Variants in INPP4A observed in about 807,000 individuals in gnomAD.
INPP4A encodes the protein inositol polyphosphate-4-phosphatase, type I, 107kD.
Under a neutral mutation model 119.8 loss-of-function variants are expected in INPP4A, and 33 were observed. That is an observed-to-expected ratio of 0.28 (90% confidence interval 0.21 to 0.37). The LOEUF (loss-of-function observed/expected upper bound fraction) is 0.37, where lower values mean the gene tolerates loss of function less well. Among genes scored for constraint, INPP4A ranks in the 10% least tolerant of loss-of-function variants. The pLI is 1.00. For missense variants in INPP4A, 956 were observed against 1,289.9 expected (o/e 0.74, Z 3.97); for synonymous variants, 496 against 500.7 (o/e 0.99, Z 0.12).
At chr2:98,584,614 C>T (rs1485231646) in intron 24 of INPP4A, among the ~76,000 whole-genome samples, 1 of 152,252 alleles carries the variant, frequency 6.6e-6, no homozygotes, top group African/African-American at 2.4e-5. Context: ...GGGCTTGGCC[C>T]GTGGGCTGAG....
rs376358529 is a variant in INPP4A at position 98,488,915 on chromosome 2, C to T, written c.-165-30049C>T. On this transcript the variant is annotated intron_variant, in intron 1 of 24. Transcript: ENST00000409851. ...CAATGCAACCTAAGGACTTTGGATT[C>T]TTGCTTTTGAGTACATGCACTGTGT... Among the ~76,000 whole-genome samples the T allele has an allele frequency of 4.1e-5, 6 of 147,664 alleles. 1 individual carries two copies. Among genetic ancestry groups the T allele is most frequent in the South Asian group, 2.1e-4 (1 of 4,678 alleles).
intron 1 of INPP4A, among the ~76,000 whole-genome samples, chr2:98,488,614 GT>G (rs1340983221): frequency 6.6e-6 from 1 of 152,192 alleles, no homozygotes; most frequent in Admixed American, 6.5e-5. Context: ...GAATAAATGA[GT>G]TCTGCTAGTT....
At chr2:98,534,557 A>T (rs979038671) in intron 5 of INPP4A, among the ~76,000 whole-genome samples, 3 of 152,238 alleles carry the variant, frequency 2.0e-5, no homozygotes, top group African/African-American at 7.2e-5. Context: ...CATGAAGAGC[A>T]CGCCAAAGTT....
intron 1 of INPP4A, among the ~76,000 whole-genome samples, chr2:98,467,204 G>A (rs550527628): frequency 6.6e-5 from 10 of 152,228 alleles, no homozygotes; most frequent in South Asian, 6.2e-4. Context: ...GAGAACTCAC[G>A]CACCCTCAAA....
chr2:98,503,109 T>C (rs924237243), intron 1 of INPP4A, among the ~76,000 whole-genome samples: 1 of 152,146 alleles, frequency 6.6e-6, no homozygotes, highest in African/African-American at 2.4e-5. Flanking sequence ...GACCCAGCTT[T>C]GCCAGGTCTG....
chr2:98,557,696 A>T (rs989339792), intron 16 of INPP4A, among the ~76,000 whole-genome samples: 2 of 152,232 alleles, frequency 1.3e-5, no homozygotes, highest in Non-Finnish European at 2.9e-5. Context: ...CCTGCCTCAG[A>T]GCTGCCCTGC....
Position 98,534,846 on chromosome 2 carries a change from G to A in INPP4A, c.271-883G>A, listed in dbSNP as rs113025326. On this transcript the variant is annotated intron_variant, in intron 5 of 24. Coordinates refer to ENST00000409851, the MANE Select transcript of INPP4A (RefSeq NM_001134225.2). ...AGCGTATGACAGAGACTTTGAAGGT[G>A]GACCTTGCAAGGGGAGTTCATGATC... Among the ~76,000 whole-genome samples the A allele has an allele frequency of 7.1e-3, 1,085 of 152,306 alleles. 20 individuals carry two copies. The highest frequency in any genetic ancestry group is 0.024 in the African/African-American group (1,018 of 41,562).
chr2:98,531,340 C>T (rs6749575), intron 4 of INPP4A, among the ~76,000 whole-genome samples: 1 of 151,252 alleles, frequency 6.6e-6, no homozygotes, highest in Non-Finnish European at 1.5e-5. Context: ...TTTCAAGAAG[C>T]AAATTTACAA....
chr2:98,559,804 CT>C (rs1338555841), intron 17 of INPP4A, among the ~76,000 whole-genome samples: 1 of 152,192 alleles, frequency 6.6e-6, no homozygotes, highest in African/African-American at 2.4e-5. Flanking sequence ...CACATCTGGA[CT>C]TCCTGGGTGC....
At chr2:98,517,493 C>T (rs957103963) in intron 1 of INPP4A, among the ~76,000 whole-genome samples, 3 of 152,292 alleles carry the variant, frequency 2.0e-5, no homozygotes, top group African/African-American at 7.2e-5. Flanking sequence ...AGTTACTCCA[C>T]GTCCTCATCA....
At chr2:98,458,683 ACT>A (rs1299711900) in intron 1 of INPP4A, among the ~76,000 whole-genome samples, 4 of 151,724 alleles carry the variant, frequency 2.6e-5, no homozygotes, top group South Asian at 4.2e-4. Context: ...CCTGGGTGAG[ACT>A]CTGGCCCAAT....
intron 4 of INPP4A, among the ~76,000 whole-genome samples, 192 bp from the exon 5 acceptor site, chr2:98,533,185 G>T (rs901427639): frequency 2.0e-5 from 3 of 152,242 alleles, no homozygotes; most frequent in Non-Finnish European, 4.4e-5. Context: ...CTTGGAGGGT[G>T]GCGGGGAGGG....
intron 1 of INPP4A, among the ~76,000 whole-genome samples, chr2:98,497,229 C>T (rs1682175567): frequency 1.3e-5 from 2 of 152,238 alleles, no homozygotes; most frequent in Admixed American, 1.3e-4. Context: ...GGTTTGGGAA[C>T]CACTGCCTAG....
intron 1 of INPP4A, among the ~76,000 whole-genome samples, chr2:98,504,878 C>A (rs1466347982): frequency 6.6e-6 from 1 of 152,196 alleles, no homozygotes; most frequent in East Asian, 1.9e-4. Context: ...TGTTAATCTT[C>A]AGTGCCTCTT....
At chr2:98,563,426 C>A (rs773100679) in intron 17 of INPP4A, 39 bp from the exon 18 acceptor site, 4 of 1,574,214 alleles carry the variant, frequency 2.5e-6, no homozygotes, top group South Asian at 2.3e-5. Context: ...TTCTTAAAAT[C>A]TCTCTCTCAT....
chr2:98,593,388 CCTA>C lies in INPP4A; in HGVS notation c.*5782_*5784del, dbSNP rs1369723251. ...TGTGGCCTGACTCTCTCCTGGTGGTCCTACGTCTCTGACCATCCCTCCTCACTC... is the reference window on the plus strand; with the variant it reads ...TGTGGCCTGACTCTCTCCTGGTGGTCCGTCTCTGACCATCCCTCCTCACTC... On this transcript the variant is annotated 3_prime_UTR_variant, in exon 25 of 25. Transcript: ENST00000409851. 6.6e-6 allele frequency: 1 copy of C among 152,578 alleles called. No individual in the cohort carries two copies. The highest frequency in any genetic ancestry group is 2.4e-5 in the African/African-American group (1 of 41,460). 9.5% of individuals were successfully genotyped at this position (152,578 alleles called of 1,614,324 possible). A position where few individuals can be genotyped will look rare whatever the true frequency, so the allele number is the denominator to read the frequency against.
At chr2:98,516,153 C>T (rs909030460) in intron 1 of INPP4A, among the ~76,000 whole-genome samples, 1 of 152,138 alleles carries the variant, frequency 6.6e-6, no homozygotes, top group Non-Finnish European at 1.5e-5. Context: ...TGGGAATATA[C>T]GAATCCTTGG....
intron 1 of INPP4A, among the ~76,000 whole-genome samples, chr2:98,448,710 T>C (rs1052324355): frequency 2.7e-5 from 2 of 73,756 alleles, no homozygotes; most frequent in African/African-American, 9.5e-5. Flanking sequence ...TCTCTCTCTC[T>C]TTTTTTTTTT....
At chr2:98,573,530 G>A (rs963390357) in intron 23 of INPP4A, among the ~76,000 whole-genome samples, 1 of 152,074 alleles carries the variant, frequency 6.6e-6, no homozygotes, top group Non-Finnish European at 1.5e-5. Context: ...TGGCATTCCC[G>A]CTCCCTGCCT....
Sources: gnomAD v4.1 joint callset for allele counts (sites outside exome capture counted in the v4.1 genomes callset) on GRCh38, gnomAD v4.1.1 for gene constraint, MANE v1.5 for transcripts, NCBI Gene and HGNC (gene_info 2026-07-23, HGNC 2026-07-21) for gene names.